TSHZ2: variants seen among roughly 807,000 people sequenced by gnomAD.
The protein encoded by TSHZ2 is teashirt zinc finger homeobox 2, also known as teashirt homolog 2.
A neutral mutation model predicts 74.4 loss-of-function variants in TSHZ2; 21 were observed. The observed-to-expected ratio is 0.28, with a 90% CI of 0.20 to 0.41. The LOEUF (loss-of-function observed/expected upper bound fraction) is 0.41, where lower values mean the gene tolerates loss of function less well. Among genes scored for constraint, TSHZ2 ranks in the 10% least tolerant of loss-of-function variants. The pLI is 1.00. For missense variants in TSHZ2, 1,244 were observed against 1,293.5 expected, an observed-to-expected ratio of 0.96 and a Z score of 0.59; for synonymous variants, 540 against 515.3, an observed-to-expected ratio of 1.05 and a Z score of -0.65.
At chr20:53,234,305 G>T (rs1568826452) in intron 1 of TSHZ2, among the ~76,000 whole-genome samples, 1 of 152,188 alleles carries the variant, frequency 6.6e-6, no homozygotes, top group Non-Finnish European at 1.5e-5. Context: ...AGTTGAAAAT[G>T]TCAAAGATTC....
intron 1 of TSHZ2, among the ~76,000 whole-genome samples, chr20:53,154,307 G>C (rs571831116): frequency 1.9e-4 from 28 of 146,840 alleles, no homozygotes; most frequent in South Asian, 8.4e-4. Context: ...ATTTTTTTAA[G>C]AAGTAAATGT....
At chr20:53,060,261 T>C (rs940669070) in intron 1 of TSHZ2, among the ~76,000 whole-genome samples, 1 of 152,190 alleles carries the variant, frequency 6.6e-6, no homozygotes, top group African/African-American at 2.4e-5. Flanking sequence ...GGTAGATTCA[T>C]AAATTTAGGG....
At chr20:53,190,138 T>TATATATA (rs1568803559) in intron 1 of TSHZ2, among the ~76,000 whole-genome samples, 183 of 101,592 alleles carry the variant, frequency 1.8e-3, no homozygotes, top group Non-Finnish European at 2.4e-3. Context: ...TATATATATA[T>TATATATA]TTTCTTAAAT....
At chr20:53,004,797 G>A (rs1026338384) in intron 1 of TSHZ2, among the ~76,000 whole-genome samples, 20 of 152,102 alleles carry the variant, frequency 1.3e-4, no homozygotes, top group African/African-American at 4.8e-4. Flanking sequence ...AATAATAATA[G>A]CCAACTTTCA....
At chr20:53,285,245 G>C (rs1224271461) in intron 2 of TSHZ2, among the ~76,000 whole-genome samples, 1 of 152,220 alleles carries the variant, frequency 6.6e-6, no homozygotes, top group East Asian at 1.9e-4. Context: ...GGATAAACGT[G>C]AATGCGGGCA....
At chr20:53,367,263 G>T (rs1981297548) in intron 2 of TSHZ2, among the ~76,000 whole-genome samples, 1 of 151,492 alleles carries the variant, frequency 6.6e-6, no homozygotes, top group African/African-American at 2.4e-5. Context: ...AATTAGCCAG[G>T]CATGGTGGCT....
intron 1 of TSHZ2, among the ~76,000 whole-genome samples, chr20:53,031,523 G>C (rs909080119): frequency 2.0e-5 from 3 of 152,208 alleles, no homozygotes; most frequent in Admixed American, 1.3e-4. Flanking sequence ...GGTTTATAGA[G>C]AAAGGCCTGT....
chr20:53,274,230 G>A (rs777506454), intron 2 of TSHZ2, among the ~76,000 whole-genome samples: 3 of 152,164 alleles, frequency 2.0e-5, no homozygotes, highest in Non-Finnish European at 2.9e-5. Context: ...AGATCGCACC[G>A]CTGCGCTCCA....
chr20:53,421,033 T>C (rs1337829121), intron 2 of TSHZ2, among the ~76,000 whole-genome samples: 1 of 152,240 alleles, frequency 6.6e-6, no homozygotes, highest in Non-Finnish European at 1.5e-5. Context: ...CTCAGGACCC[T>C]TTCCCTAATA....
chr20:53,261,835 T>A lies in TSHZ2; in HGVS notation c.*8+5264T>A, dbSNP rs115312446. Among the ~76,000 whole-genome samples the A allele has an allele frequency of 6.4e-3, 978 of 152,340 alleles. 15 individuals carry two copies. The highest frequency in any genetic ancestry group is 0.023 in the African/African-American group (947 of 41,574). ...AATGTTTTAATTAGCTCATATTTTT[T>A]ATATGGATTTATGTCTTTAAAATAC... is the stretch of plus-strand genomic sequence containing the variant. On this transcript the variant is annotated intron_variant, in intron 2 of 2. Coordinates refer to ENST00000371497, the MANE Select transcript of TSHZ2 (RefSeq NM_173485.6).
chr20:53,431,208 C>T (rs1014383490), intron 2 of TSHZ2, among the ~76,000 whole-genome samples: 4 of 151,980 alleles, frequency 2.6e-5, no homozygotes, highest in African/African-American at 7.2e-5. Flanking sequence ...TGCCTGTAAT[C>T]CCAGCACTTT....
intron 1 of TSHZ2, among the ~76,000 whole-genome samples, chr20:53,039,345 A>G (rs1369906055): frequency 6.6e-6 from 1 of 152,182 alleles, no homozygotes; most frequent in Non-Finnish European, 1.5e-5. Context: ...ATTTGTCTAC[A>G]TGAATATTTC....
rs1990397848 is a variant in TSHZ2, at chr20:53,254,039, C to T, written c.581C>T (p.Ser194Leu). Residue 194 changes from serine (S) to leucine (L), a missense_variant, in exon 2 of 3, where the codon TCG becomes TTG. Transcript: ENST00000371497. ...RSVSKPSLFS[S>L]VQLYRQSSKM... The stretch of plus-strand genomic sequence containing the variant: ...GTCTCGAAACCCAGCCTGTTCAGCT[C>T]GGTGCAGTTGTACCGACAGAGCAGC... The T allele has an allele frequency of 4.3e-6, 7 of 1,614,006 alleles. No individual in the cohort carries two copies. Among genetic ancestry groups the T allele is most frequent in the African/African-American group, 1.3e-5 (1 of 74,922 alleles).
At chr20:52,980,041 G>A (rs1009785699) in intron 1 of TSHZ2, among the ~76,000 whole-genome samples, 3 of 152,006 alleles carry the variant, frequency 2.0e-5, no homozygotes, top group African/African-American at 4.8e-5. Context: ...CCTGAAGCAG[G>A]GACTAATGAA....
At chr20:53,386,867 C>G (rs944143063) in intron 2 of TSHZ2, among the ~76,000 whole-genome samples, 2 of 138,858 alleles carry the variant, frequency 1.4e-5, no homozygotes, top group African/African-American at 5.0e-5. Flanking sequence ...TATGTTAACT[C>G]TGCCTCACCT....
chr20:53,161,679 A>ATCGTGAGAACTCAACTCACTG (rs1568788986), intron 1 of TSHZ2, among the ~76,000 whole-genome samples: 2 of 152,172 alleles, frequency 1.3e-5, no homozygotes. Flanking sequence ...TCAACTCACT[A>ATCGTGAGAACTCAACTCACTG]TCATGAGAAC....
chr20:53,342,664 C>A lies in TSHZ2; in HGVS notation c.*8+86093C>A, dbSNP rs536622840. 5.9e-5 allele frequency among the ~76,000 whole-genome samples: 9 copies of A among 152,176 alleles called. No homozygotes were observed. The South Asian group carries it at 8.3e-4, about 14-fold the overall frequency. ...ATTTTACAGATAAGGAAACCAAGGCCAAGAAAGGTTAAGTCTCTGGCTCAA... is the reference window on the plus strand; with the variant it reads ...ATTTTACAGATAAGGAAACCAAGGCAAAGAAAGGTTAAGTCTCTGGCTCAA... On this transcript the variant is annotated intron_variant, in intron 2 of 2. Transcript: ENST00000371497.
chr20:53,256,578 G>A lies in TSHZ2; in HGVS notation c.*8+7G>A. 1 of 1,560,802 alleles carries A rather than the reference G, an allele frequency of 6.4e-7. No individual in the cohort carries two copies. Among genetic ancestry groups the A allele is most frequent in the Non-Finnish European group, 8.7e-7 (1 of 1,148,936 alleles). On this transcript the variant is annotated splice_region_variant and intron_variant, in intron 2 of 2. Coordinates refer to ENST00000371497, the MANE Select transcript of TSHZ2 (RefSeq NM_173485.6). The surrounding 1 kb of genome is among the most constrained non-coding windows in gnomAD (Gnocchi z 4.3). ...ATGAAGAATAGCTCTGCAGGTATGG[G>A]TTTGCTCTGAGGCATTGCGATTAGC...
rs925433540 is a variant in TSHZ2 at position 53,493,984 on chromosome 20, T to C, written c.*6849T>C. 2.6e-5 allele frequency: 4 copies of C among 152,236 alleles called. No individual in the cohort carries two copies. The highest frequency in any genetic ancestry group is 5.9e-5 in the Non-Finnish European group (4 of 68,082). 9.4% of individuals were successfully genotyped at this position (152,236 alleles called of 1,614,324 possible). A position where few individuals can be genotyped will look rare whatever the true frequency, so the allele number is the denominator to read the frequency against. On this transcript the variant is annotated 3_prime_UTR_variant, in exon 3 of 3. Transcript: ENST00000371497. The stretch of plus-strand genomic sequence containing the variant: ...AAACAACCACTGGAAATGATGGCTT[T>C]CCTGCTTGAAACGAAGGGGGCCAGG...
Sources: allele counts gnomAD v4.1 joint callset (sites outside exome capture counted in the v4.1 genomes callset), GRCh38; gene constraint gnomAD v4.1.1; non-coding constraint Gnocchi (gnomAD v3.1); transcripts MANE v1.5; gene names NCBI Gene and HGNC (gene_info 2026-07-23, HGNC 2026-07-21).